Variants in MYO5B observed in about 807,000 individuals in gnomAD.
The protein encoded by MYO5B is unconventional myosin-Vb.
MYO5B carries 143 observed loss-of-function variants against 229.3 expected under a neutral mutation model. That is an observed-to-expected ratio of 0.62 (90% confidence interval 0.54 to 0.72). The LOEUF is 0.72. MYO5B is among the 30% of genes least tolerant of loss of function. The pLI, the probability that MYO5B is intolerant of heterozygous loss-of-function variation, is 0.00. For missense variants in MYO5B, 2,321 were observed against 2,331.0 expected, an observed-to-expected ratio of 1.00 and a Z score of 0.09; for synonymous variants, 918 against 885.2, an observed-to-expected ratio of 1.04 and a Z score of -0.66.
At chr18:49,884,618 T>C (rs1346159099) in intron 22 of MYO5B, among the ~76,000 whole-genome samples, 1 of 152,128 alleles carries the variant, frequency 6.6e-6, no homozygotes, top group Non-Finnish European at 1.5e-5. Flanking sequence ...AGGCAGTAAT[T>C]TGAGCAGTGG....
chr18:49,915,791 G>C (rs188726981), intron 17 of MYO5B, among the ~76,000 whole-genome samples: 5 of 152,250 alleles, frequency 3.3e-5, no homozygotes, highest in African/African-American at 4.8e-5. Context: ...GAGAGAGCCA[G>C]AGCTGACAAA....
At position 50,026,720 on chromosome 18, in the gene MYO5B, C is replaced by T. The variant is rs112484526; in HGVS notation, c.455+10130G>A. Among the ~76,000 whole-genome samples, 380 of 152,344 alleles carry T rather than the reference C, an allele frequency of 2.5e-3. 1 individual carries two copies. The highest frequency in any genetic ancestry group is 4.2e-3 in the Non-Finnish European group (285 of 68,028). On this transcript the variant is annotated intron_variant, in intron 4 of 39. Transcript: ENST00000285039. ...CGACACCTATGATGTGCCATCAGTACTATCACCACCACTGTGCCTGACATT... is the reference window on the plus strand; with the variant it reads ...CGACACCTATGATGTGCCATCAGTATTATCACCACCACTGTGCCTGACATT...
rs115838676 is a variant in MYO5B, at chr18:49,857,797, C to T, written c.3945-907G>A. On this transcript the variant is annotated intron_variant, in intron 29 of 39. Coordinates refer to ENST00000285039, the MANE Select transcript of MYO5B (RefSeq NM_001080467.3). ...TTCCACCTCCACCTAGGTCCTCAAC[C>T]TGCGCAGCCCTGGGCACACAGAGAT... Among the ~76,000 whole-genome samples, 1,419 of 152,306 alleles carry T rather than the reference C, an allele frequency of 9.3e-3. 38 individuals are homozygous for T. In the South Asian group the frequency reaches 0.12, roughly 13 times the overall value.
At chr18:49,864,426 G>A in intron 27 of MYO5B, 46 bp from the exon 28 acceptor site, 1 of 1,605,956 alleles carries the variant, frequency 6.2e-7, no homozygotes, top group Non-Finnish European at 8.5e-7. Flanking sequence ...CTGCCCTAGG[G>A]CTCTCTCCCT....
At position 49,942,393 on chromosome 18, in the gene MYO5B, A is replaced by C. The variant is rs1051390607; in HGVS notation, c.1753-4996T>G. ...GCTTCTGCACAGCAAAAAAAAAAAA[A>C]AAAAAAAAAAAACTACCGTCAGAGT... On this transcript the variant is annotated intron_variant, in intron 14 of 39. Transcript: ENST00000285039. Among the ~76,000 whole-genome samples the C allele has an allele frequency of 3.7e-3, 523 of 141,274 alleles. 6 individuals carry two copies. The highest frequency in any genetic ancestry group is 0.014 in the African/African-American group (505 of 36,152). The allele number at this position is 141,274 out of a possible 152,430, so 92.7% of individuals were successfully genotyped here.
chr18:50,116,780 G>A (rs1006445310), intron 1 of MYO5B, among the ~76,000 whole-genome samples: 1 of 149,692 alleles, frequency 6.7e-6, no homozygotes, highest in African/African-American at 2.5e-5. Context: ...GGGTATTCAG[G>A]AGTCTTTAAC....
intron 39 of MYO5B, among the ~76,000 whole-genome samples, chr18:49,831,022 G>A (rs2023913466): frequency 6.6e-6 from 1 of 151,658 alleles, no homozygotes; most frequent in African/African-American, 2.4e-5. Context: ...TTTTGACAAG[G>A]GTGCCAAGTC....
intron 23 of MYO5B, 78 bp from the exon 24 acceptor site, chr18:49,879,168 C>T (rs999242632): frequency 6.3e-7 from 1 of 1,590,060 alleles, no homozygotes; most frequent in African/African-American, 1.3e-5. Context: ...TCCGATTAAT[C>T]TCTTGTTAAG....
chr18:50,178,089 C>A (rs1161883342), intron 1 of MYO5B, among the ~76,000 whole-genome samples: 1 of 152,204 alleles, frequency 6.6e-6, no homozygotes, highest in Non-Finnish European at 1.5e-5. Context: ...CTCTCGAATA[C>A]TTGTGTCTGT....
chr18:49,985,905 C>T (rs1220074553), intron 7 of MYO5B, among the ~76,000 whole-genome samples: 1 of 152,200 alleles, frequency 6.6e-6, no homozygotes, highest in Non-Finnish European at 1.5e-5. Flanking sequence ...TCTCCTTTCT[C>T]CATCCTGATT....
At chr18:50,011,517 G>A (rs1203107017) in intron 4 of MYO5B, among the ~76,000 whole-genome samples, 3 of 152,122 alleles carry the variant, frequency 2.0e-5, no homozygotes, top group Non-Finnish European at 2.9e-5. Context: ...AGGCCTGCAC[G>A]TCCAAAACAG....
chr18:50,014,627 C>A (rs1457790524), intron 4 of MYO5B, among the ~76,000 whole-genome samples: 1 of 152,156 alleles, frequency 6.6e-6, no homozygotes, highest in Non-Finnish European at 1.5e-5. Flanking sequence ...TCTGTCAGAG[C>A]TTTTTAAGTG....
intron 10 of MYO5B, among the ~76,000 whole-genome samples, chr18:49,968,967 A>G (rs2025657608): frequency 2.0e-5 from 3 of 152,168 alleles, no homozygotes; most frequent in Admixed American, 6.5e-5. Context: ...CCAAAGGGCC[A>G]CCTCAGAACA....
intron 27 of MYO5B, among the ~76,000 whole-genome samples, chr18:49,866,906 G>C (rs914916408): frequency 6.6e-6 from 1 of 152,214 alleles, no homozygotes; most frequent in East Asian, 1.9e-4. Context: ...GAGGGAACAG[G>C]TCTGACAGCT....
chr18:49,876,395 C>G (rs1256030387), intron 25 of MYO5B: 1 of 233,246 alleles, frequency 4.3e-6, no homozygotes, highest in Non-Finnish European at 8.5e-6. Context: ...CTCCAGGACT[C>G]CAATGCGTGG....
At chr18:49,963,468 G>T (rs1267188580) in intron 10 of MYO5B, among the ~76,000 whole-genome samples, 2 of 151,514 alleles carry the variant, frequency 1.3e-5, no homozygotes, top group African/African-American at 4.9e-5. Context: ...TGTCACCCAG[G>T]CTGGAGTGCA....
Position 50,079,487 on chromosome 18 carries a change from G to C in MYO5B, c.28-24109C>G, listed in dbSNP as rs115893751. On this transcript the variant is annotated intron_variant, in intron 1 of 39. Transcript: ENST00000285039. ...CACACTTCGACTTAAAAGACAGAGT[G>C]CTCCAAAATAAAACTCCTCAAATTC... Among the ~76,000 whole-genome samples the C allele has an allele frequency of 5.8e-3, 879 of 152,302 alleles. 8 individuals are homozygous for C. The highest frequency in any genetic ancestry group is 0.02 in the African/African-American group (812 of 41,556).
At chr18:50,174,662 G>A (rs1259370245) in intron 1 of MYO5B, among the ~76,000 whole-genome samples, 1 of 152,196 alleles carries the variant, frequency 6.6e-6, no homozygotes, top group Non-Finnish European at 1.5e-5. Context: ...GCAGAAGCCA[G>A]CCATCGTGAG....
In MYO5B at chr18:49,872,650, CGGAAGACGACACAG is replaced by C. The variant is rs2024469827; in HGVS notation, c.3538-432_3538-419del. On this transcript the variant is annotated intron_variant, in intron 26 of 39. Transcript: ENST00000285039. The stretch of plus-strand genomic sequence containing the variant: ...TCATTTGGGTGGACACTAATCCAGT[CGGAAGACGACACAG>C]GGAAGATGACCATGTGAAGATGGAG... 7.2e-5 allele frequency among the ~76,000 whole-genome samples: 11 copies of C among 152,176 alleles called. No individual in the cohort carries two copies. In the South Asian group the frequency reaches 2.1e-3, roughly 29 times the overall value.
Sources: gnomAD v4.1 joint callset for allele counts (sites outside exome capture counted in the v4.1 genomes callset) on GRCh38, gnomAD v4.1.1 for gene constraint, MANE v1.5 for transcripts, NCBI Gene and HGNC (gene_info 2026-07-23, HGNC 2026-07-21) for gene names.